VWA3B: variants seen among roughly 807,000 people sequenced by gnomAD.
VWA3B encodes the protein von Willebrand factor A domain containing 3B.
A neutral mutation model predicts 158.3 loss-of-function variants in VWA3B; 138 were observed. The ratio of observed to expected loss-of-function variants is 0.87; its 90% CI spans 0.76 to 1.00. VWA3B has a LOEUF of 1.00. Ranked by LOEUF, VWA3B falls within the 50% of genes least tolerant of loss-of-function variation. The probability of loss-of-function intolerance (pLI) is 0.00; values close to 1 mark genes in which losing one functional copy is unlikely to be tolerated. For synonymous variants in VWA3B, 596 were observed against 587.3 expected, an observed-to-expected ratio of 1.01 and a Z score of -0.21; for missense variants, 1,555 against 1,565.1, an observed-to-expected ratio of 0.99 and a Z score of 0.11.
intron 7 of VWA3B, among the ~76,000 whole-genome samples, chr2:98,149,879 A>G (rs2105159495): frequency 6.6e-6 from 1 of 152,360 alleles, no homozygotes; most frequent in South Asian, 2.1e-4. Context: ...CTAAATTACT[A>G]AAGCCTAGAT....
At chr2:98,200,735 A>C (rs972721576) in intron 12 of VWA3B, among the ~76,000 whole-genome samples, 1 of 152,094 alleles carries the variant, frequency 6.6e-6, no homozygotes, top group Non-Finnish European at 1.5e-5. Flanking sequence ...GTGCTTTTAG[A>C]CCCATAGCTA....
chr2:98,240,266 A>G lies in VWA3B; in HGVS notation c.2673+3536A>G, dbSNP rs1048144947. Among the ~76,000 whole-genome samples, 3 of 152,204 alleles carry G rather than the reference A, an allele frequency of 2.0e-5. 1 individual carries two copies. Among genetic ancestry groups the G allele is most frequent in the Non-Finnish European group, 2.9e-5 (2 of 68,042 alleles). ...ACCATATACATTTACTATTTTAAAA[A>G]CTATTTTAAACATTTTGTCTTAGAG... On this transcript the variant is annotated intron_variant, in intron 19 of 27. Coordinates refer to ENST00000477737, the MANE Select transcript of VWA3B (RefSeq NM_144992.5).
intron 11 of VWA3B, 89 bp from the exon 12 acceptor site, chr2:98,194,272 C>G (rs1681842678): frequency 1.5e-6 from 2 of 1,359,476 alleles, no homozygotes; most frequent in African/African-American, 2.9e-5. Context: ...TAGAGACCAT[C>G]ATGATTAAAA....
Position 98,144,863 on chromosome 2 carries a change from C to A in VWA3B, c.988+10924C>A, listed in dbSNP as rs898214272. On this transcript the variant is annotated intron_variant, in intron 7 of 27. Transcript: ENST00000477737. The stretch of plus-strand genomic sequence containing the variant: ...TTACAGGCATGAGCCACCGCGTTAT[C>A]CCCAGAGTTTTCGAATGTCCTTTTC... 2.0e-5 allele frequency among the ~76,000 whole-genome samples: 3 copies of A among 152,132 alleles called. No homozygotes were observed. In the South Asian group the frequency reaches 6.2e-4, roughly 32 times the overall value.
chr2:98,089,000 C>T (rs1156650846), intron 1 of VWA3B, among the ~76,000 whole-genome samples: 2 of 152,056 alleles, frequency 1.3e-5, no homozygotes, highest in African/African-American at 2.4e-5. Context: ...GTGATCCGCC[C>T]GCCTTGGCCT....
intron 26 of VWA3B, among the ~76,000 whole-genome samples, chr2:98,306,498 T>G (rs559115641): frequency 5.7e-4 from 87 of 152,244 alleles, no homozygotes; most frequent in Non-Finnish European, 1.1e-3. Flanking sequence ...AATTCTCCAT[T>G]CTTTGTCTAG....
At chr2:98,233,896 T>C (rs967588081) in intron 16 of VWA3B, among the ~76,000 whole-genome samples, 1 of 152,224 alleles carries the variant, frequency 6.6e-6, no homozygotes, top group Non-Finnish European at 1.5e-5. Flanking sequence ...GTTTATGTTA[T>C]CAAATATAAA....
intron 22 of VWA3B, among the ~76,000 whole-genome samples, chr2:98,280,686 C>T (rs1369898698): frequency 6.6e-6 from 1 of 152,262 alleles, no homozygotes; most frequent in Non-Finnish European, 1.5e-5. Flanking sequence ...ATGCGTGTTA[C>T]TGGCTGTGTG....
chr2:98,155,467 C>T (rs1333327668), intron 7 of VWA3B, among the ~76,000 whole-genome samples: 1 of 152,166 alleles, frequency 6.6e-6, no homozygotes, highest in Non-Finnish European at 1.5e-5. Context: ...CTGACCTCAC[C>T]ACTTATTAGT....
chr2:98,099,120 A>T (rs916488244), intron 2 of VWA3B: 1 of 152,168 alleles, frequency 6.6e-6, no homozygotes, highest in Non-Finnish European at 1.5e-5. Flanking sequence ...TAAGTAATTT[A>T]AAAACCACCA....
intron 8 of VWA3B, among the ~76,000 whole-genome samples, chr2:98,170,148 G>C (rs1679459616): frequency 6.6e-6 from 1 of 152,196 alleles, no homozygotes; most frequent in South Asian, 2.1e-4. Context: ...ATGGATGAAT[G>C]AATCAATCAA....
At chr2:98,156,793 G>A (rs183029904) in intron 7 of VWA3B, among the ~76,000 whole-genome samples, 67 of 150,652 alleles carry the variant, frequency 4.4e-4, no homozygotes, top group African/African-American at 1.5e-3. Context: ...ATCCTAAGTA[G>A]AATAGATTTA....
intron 7 of VWA3B, among the ~76,000 whole-genome samples, chr2:98,157,320 C>T (rs1205218896): frequency 6.6e-6 from 1 of 152,084 alleles, no homozygotes; most frequent in Non-Finnish European, 1.5e-5. Flanking sequence ...GGTTAATTTC[C>T]ATAGGGTGGG....
intron 16 of VWA3B, among the ~76,000 whole-genome samples, chr2:98,232,903 T>G (rs1453186423): frequency 1.3e-5 from 2 of 152,040 alleles, no homozygotes; most frequent in Non-Finnish European, 2.9e-5. Context: ...CTTCCCCCAG[T>G]GTTGTCTCTG....
intron 23 of VWA3B, among the ~76,000 whole-genome samples, chr2:98,294,983 A>T (rs568996585): frequency 6.6e-6 from 1 of 152,288 alleles, no homozygotes; most frequent in African/African-American, 2.4e-5. Flanking sequence ...GTTTTTCTGC[A>T]TCCGATGTGA....
At chr2:98,169,079 C>A (rs1679355745) in intron 8 of VWA3B, among the ~76,000 whole-genome samples, 1 of 152,140 alleles carries the variant, frequency 6.6e-6, no homozygotes, top group African/African-American at 2.4e-5. Context: ...CAGAGGAAAT[C>A]TTAAAAGCAG....
chr2:98,135,543 G>A (rs959235896), intron 7 of VWA3B, among the ~76,000 whole-genome samples: 86 of 151,454 alleles, frequency 5.7e-4, no homozygotes, highest in Non-Finnish European at 3.5e-4. Flanking sequence ...CACCGTTTTA[G>A]CCGGGATGGT....
intron 9 of VWA3B, among the ~76,000 whole-genome samples, 161 bp from the exon 10 acceptor site, chr2:98,187,814 A>G (rs1312789743): frequency 6.6e-6 from 1 of 151,984 alleles, no homozygotes; most frequent in African/African-American, 2.4e-5. Flanking sequence ...CTCCATAGGA[A>G]GCGGGCAGCG....
At chr2:98,185,385 C>T (rs377028839) in intron 9 of VWA3B, among the ~76,000 whole-genome samples, 35 of 152,352 alleles carry the variant, frequency 2.3e-4, no homozygotes, top group East Asian at 7.7e-4. Context: ...TGCCAACTTT[C>T]CGTCTTTTCT....
Sources: gnomAD v4.1 joint callset for allele counts (sites outside exome capture counted in the v4.1 genomes callset) on GRCh38, gnomAD v4.1.1 for gene constraint, MANE v1.5 for transcripts, NCBI Gene and HGNC (gene_info 2026-07-23, HGNC 2026-07-21) for gene names.